Variants in MFSD2B observed in about 807,000 individuals in gnomAD.
The protein encoded by MFSD2B is MFSD2 lysolipid transporter B, sphingolipid, also known as sphingosine-1-phosphate transporter MFSD2B.
A neutral mutation model predicts 58.4 loss-of-function variants in MFSD2B; 56 were observed. That is an observed-to-expected ratio of 0.96 (90% CI 0.77 to 1.20). The LOEUF (loss-of-function observed/expected upper bound fraction) is 1.20, where lower values mean the gene tolerates loss of function less well. Among genes scored for constraint, MFSD2B ranks in the 50% most tolerant of loss-of-function variants. MFSD2B has a pLI of 0.00. For missense variants in MFSD2B, 645 were observed against 667.6 expected (o/e 0.97, Z 0.37); for synonymous variants, 287 against 294.4 (o/e 0.97, Z 0.26).
In MFSD2B at chr2:24,010,205, G is replaced by A. The variant is rs2150935758; in HGVS notation, c.96+13G>A. The A allele has an allele frequency of 2.9e-6, 4 of 1,378,198 alleles. No homozygotes were observed. The highest frequency in any genetic ancestry group is 6.1e-5 in the East Asian group (2 of 32,586). 85.4% of individuals were successfully genotyped at this position (1,378,198 alleles called of 1,614,324 possible). A position where few individuals can be genotyped will look rare whatever the true frequency, so the allele number is the denominator to read the frequency against. On this transcript the variant is annotated intron_variant, in intron 1 of 13. Transcript: ENST00000338315. ...GCGAGGGCGAGAGGTGAGCGGGGCG[G>A]CGGGGACCGGGAAGGGGCTGCGTCC...
At position 24,022,854 on chromosome 2, in the gene MFSD2B, G is replaced by A. The variant is rs746305576; in HGVS notation, c.1011G>A (p.Glu337=). The A allele has an allele frequency of 1.2e-6, 2 of 1,610,602 alleles. No homozygotes were observed. The highest frequency in any genetic ancestry group is 2.2e-5 in the South Asian group (2 of 90,348). Residue 337 remains glutamate, a synonymous_variant, in exon 10 of 14, where the codon GAG becomes GAA. Coordinates refer to ENST00000338315, the MANE Select transcript of MFSD2B (RefSeq NM_001346880.2). This position sits in a 1 kb window ranked among gnomAD's most constrained non-coding sequence, Gnocchi z 4.5. ...VSAVLSTPLW[E]WVLQRFGKKT... ...CCGTGCTGAGCACCCCGCTGTGGGA[G>A]TGGGTTCTCCAGCGCTTTGGGAAGA...
chr2:24,023,058 C>G lies in MFSD2B; in HGVS notation c.1060-72C>G. ...AGGGCAAGGCATGGGGGTCGTCAGT[C>G]GAGTCGTGTGTGAAGGAGCAGGCCC... On this transcript the variant is annotated intron_variant, in intron 10 of 13. Transcript: ENST00000338315. The surrounding 1 kb of genome is among the most constrained non-coding windows in gnomAD (Gnocchi z 5.0). 1 of 1,401,660 alleles carries G rather than the reference C, an allele frequency of 7.1e-7. No individual in the cohort carries two copies. The highest frequency in any genetic ancestry group is 1.2e-5 in the South Asian group (1 of 85,804). The allele number at this position is 1,401,660 out of a possible 1,614,324, so 86.8% of individuals were successfully genotyped here. A position where few individuals can be genotyped will look rare whatever the true frequency, so the allele number is the denominator to read the frequency against.
In MFSD2B at chr2:24,022,703, C is replaced by A; in HGVS notation, c.979-119C>A. The A allele has an allele frequency of 1.1e-6, 1 of 873,742 alleles. No individual in the cohort carries two copies. Among genetic ancestry groups the A allele is most frequent in the Non-Finnish European group, 1.7e-6 (1 of 577,566 alleles). 54.1% of individuals were successfully genotyped at this position (873,742 alleles called of 1,614,324 possible). A position where few individuals can be genotyped will look rare whatever the true frequency, so the allele number is the denominator to read the frequency against. On this transcript the variant is annotated intron_variant, in intron 9 of 13. Transcript: ENST00000338315. The surrounding 1 kb of genome is among the most constrained non-coding windows in gnomAD (Gnocchi z 4.5). ...GCCAGGATTACAACATTCATAGCCA[C>A]CGGTTTGAACCAGGGGCAAGGCCAA...
chr2:24,014,066 G>A (rs981653804), intron 2 of MFSD2B, among the ~76,000 whole-genome samples: 2 of 151,534 alleles, frequency 1.3e-5, no homozygotes, highest in Non-Finnish European at 2.9e-5. Flanking sequence ...AGGCTGGAGT[G>A]CAATGGCATG....
chr2:24,010,704 C>T (rs895456790), intron 1 of MFSD2B, among the ~76,000 whole-genome samples: 1 of 152,174 alleles, frequency 6.6e-6, no homozygotes, highest in Non-Finnish European at 1.5e-5. Context: ...GCGGGGTCTT[C>T]GGGGCCCCTT....
rs1662925635 is a variant in MFSD2B, at chr2:24,024,937, C to T, written c.1491-495C>T. Among the ~76,000 whole-genome samples, 1 of 152,140 alleles carries T rather than the reference C, an allele frequency of 6.6e-6. No individual in the cohort carries two copies. The highest frequency in any genetic ancestry group is 2.1e-4 in the South Asian group (1 of 4,836). ...GACCTTCCGGGGAGGCTATGGGAACCTTGAAGGCTGAGGCTGGCTGTTTTA... is the reference window on the plus strand; with the variant it reads ...GACCTTCCGGGGAGGCTATGGGAACTTTGAAGGCTGAGGCTGGCTGTTTTA... On this transcript the variant is annotated intron_variant, in intron 13 of 13. Coordinates refer to ENST00000338315, the MANE Select transcript of MFSD2B (RefSeq NM_001346880.2). The surrounding 1 kb of genome is among the most constrained non-coding windows in gnomAD (Gnocchi z 4.3).
In MFSD2B at chr2:24,022,341, T is replaced by A. The variant is rs1271800211; in HGVS notation, c.895-92T>A. ...TGGTAGCAGCAAGCCAAGGTCCCAATGGAGATGCCAGACTCCAGACCCTGT... is the reference window on the plus strand; with the variant it reads ...TGGTAGCAGCAAGCCAAGGTCCCAAAGGAGATGCCAGACTCCAGACCCTGT... On this transcript the variant is annotated intron_variant, in intron 8 of 13. Transcript: ENST00000338315. The surrounding 1 kb of genome is among the most constrained non-coding windows in gnomAD (Gnocchi z 4.5). 3 of 1,005,288 alleles carry A rather than the reference T, an allele frequency of 3.0e-6. No individual in the cohort carries two copies. In the East Asian group the frequency reaches 7.8e-5, roughly 26 times the overall value. 62.3% of individuals were successfully genotyped at this position (1,005,288 alleles called of 1,614,324 possible). A position where few individuals can be genotyped will look rare whatever the true frequency, so the allele number is the denominator to read the frequency against.
chr2:24,022,076 C>A lies in MFSD2B; in HGVS notation c.894+106C>A. The stretch of plus-strand genomic sequence containing the variant: ...GAGTTTTATAGGGAGAAACCTGCGG[C>A]TGGCACATGGCTCAGAGGGGCTGGT... On this transcript the variant is annotated intron_variant, in intron 8 of 13. Coordinates refer to ENST00000338315, the MANE Select transcript of MFSD2B (RefSeq NM_001346880.2). The surrounding 1 kb of genome is among the most constrained non-coding windows in gnomAD (Gnocchi z 4.5). 7.4e-7 allele frequency: 1 copy of A among 1,353,014 alleles called. No homozygotes were observed. The highest frequency in any genetic ancestry group is 1.0e-6 in the Non-Finnish European group (1 of 966,954). The allele number at this position is 1,353,014 out of a possible 1,614,324, so 83.8% of individuals were successfully genotyped here. A position where few individuals can be genotyped will look rare whatever the true frequency, so the allele number is the denominator to read the frequency against.
rs1662895046 is a variant in MFSD2B at position 24,024,030 on chromosome 2, G to C, written c.1314-65G>C. ...GGGGTGGGGTGGGGTGAGGTGTCGAGTCCCTCCACCCAGGGTGCCAGGCTC... is the reference window on the plus strand; with the variant it reads ...GGGGTGGGGTGGGGTGAGGTGTCGACTCCCTCCACCCAGGGTGCCAGGCTC... On this transcript the variant is annotated intron_variant, in intron 12 of 13. Transcript: ENST00000338315. This position sits in a 1 kb window ranked among gnomAD's most constrained non-coding sequence, Gnocchi z 4.3. The C allele has an allele frequency of 1.3e-5, 20 of 1,529,044 alleles. No individual in the cohort carries two copies. In the South Asian group the frequency reaches 2.1e-4, roughly 16 times the overall value. The allele number at this position is 1,529,044 out of a possible 1,614,324, so 94.7% of individuals were successfully genotyped here. A position where few individuals can be genotyped will look rare whatever the true frequency, so the allele number is the denominator to read the frequency against.
In MFSD2B at chr2:24,024,401, G is replaced by C; in HGVS notation, c.1490+130G>C. ...CTCTGGGACCTCTTTCCTTAGCTCA[G>C]GGTCACCCTTTTCTCCTGGATTTTC... is the stretch of plus-strand genomic sequence containing the variant. On this transcript the variant is annotated intron_variant, in intron 13 of 13. Transcript: ENST00000338315. The surrounding 1 kb of genome is among the most constrained non-coding windows in gnomAD (Gnocchi z 4.3). The C allele has an allele frequency of 1.0e-6, 1 of 955,532 alleles. No individual in the cohort carries two copies. The highest frequency in any genetic ancestry group is 1.7e-5 in the South Asian group (1 of 59,090). The allele number at this position is 955,532 out of a possible 1,614,324, so 59.2% of individuals were successfully genotyped here.
In MFSD2B at chr2:24,013,519, C is replaced by T. The variant is rs952860930; in HGVS notation, c.222+109C>T. On this transcript the variant is annotated intron_variant, in intron 2 of 13. Coordinates refer to ENST00000338315, the MANE Select transcript of MFSD2B (RefSeq NM_001346880.2). ...CTATCCTTGTAGACAGCACTTCTGA[C>T]ACGAGCTCAACAAAAAGCCAGAAGC... 14 of 1,196,470 alleles carry T rather than the reference C, an allele frequency of 1.2e-5. No individual in the cohort carries two copies. The African/African-American group carries it at 2.1e-4, about 18-fold the overall frequency. 74.1% of individuals were successfully genotyped at this position (1,196,470 alleles called of 1,614,324 possible). A position where few individuals can be genotyped will look rare whatever the true frequency, so the allele number is the denominator to read the frequency against.
Position 24,024,421 on chromosome 2 carries a change from AT to A in MFSD2B, c.1490+154del. The A allele has an allele frequency of 1.3e-6, 1 of 799,698 alleles. No individual in the cohort carries two copies. Among genetic ancestry groups the A allele is most frequent in the Non-Finnish European group, 1.9e-6 (1 of 519,456 alleles). 49.5% of individuals were successfully genotyped at this position (799,698 alleles called of 1,614,324 possible). A position where few individuals can be genotyped will look rare whatever the true frequency, so the allele number is the denominator to read the frequency against. On this transcript the variant is annotated intron_variant, in intron 13 of 13. Coordinates refer to ENST00000338315, the MANE Select transcript of MFSD2B (RefSeq NM_001346880.2). The surrounding 1 kb of genome is among the most constrained non-coding windows in gnomAD (Gnocchi z 4.3). ...GCTCAGGGTCACCCTTTTCTCCTGG[AT>A]TTTCTTCTCCCACTCTGGCCACCCC...
chr2:24,018,748 G>A (rs1456328945), intron 6 of MFSD2B: 1 of 170,330 alleles, frequency 5.9e-6, no homozygotes. Flanking sequence ...TTTGAGCATG[G>A]GTGGCCCTCG....
Position 24,016,263 on chromosome 2 carries a change from T to C in MFSD2B, c.330T>C (p.Ser110=). 6.2e-7 allele frequency: 1 copy of C among 1,613,992 alleles called. No individual in the cohort carries two copies. The highest frequency in any genetic ancestry group is 8.5e-7 in the Non-Finnish European group (1 of 1,179,874). ...TCAACAGGAGCCAGAGGACAGGGTC[T>C]GGACGGCTCATGCCTTGGTGAGCAA... ...FFINRSQRTG[S]GRLMPWVLGC... Residue 110 remains serine (S), a synonymous_variant, in exon 3 of 14, where the codon TCT becomes TCC. Coordinates refer to ENST00000338315, the MANE Select transcript of MFSD2B (RefSeq NM_001346880.2).
chr2:24,022,529 G>A lies in MFSD2B; in HGVS notation c.978+13G>A. 1.9e-6 allele frequency: 3 copies of A among 1,608,434 alleles called. No homozygotes were observed. Among genetic ancestry groups the A allele is most frequent in the Non-Finnish European group, 2.5e-6 (3 of 1,177,090 alleles). ...ACTAACTGTCCTGGTGAGGGGGCCTGGGGTGGTGGAGGCTAGGTCACTTGG... is the reference window on the plus strand; with the variant it reads ...ACTAACTGTCCTGGTGAGGGGGCCTAGGGTGGTGGAGGCTAGGTCACTTGG... On this transcript the variant is annotated intron_variant, in intron 9 of 13. Transcript: ENST00000338315. The surrounding 1 kb of genome is among the most constrained non-coding windows in gnomAD (Gnocchi z 4.5).
intron 1 of MFSD2B, among the ~76,000 whole-genome samples, chr2:24,011,206 C>T (rs944861135): frequency 3.9e-5 from 6 of 152,172 alleles, no homozygotes; most frequent in African/African-American, 1.4e-4. Flanking sequence ...ACAGCTGTAC[C>T]GGGCTTTTAT....
At position 24,016,848 on chromosome 2, in the gene MFSD2B, G is replaced by T. The variant is rs746689866; in HGVS notation, c.351G>T (p.Val117=). 2 of 1,613,280 alleles carry T rather than the reference G, an allele frequency of 1.2e-6. No individual in the cohort carries two copies. Among genetic ancestry groups the T allele is most frequent in the Non-Finnish European group, 1.7e-6 (2 of 1,179,840 alleles). ...CACCTCGGCTGTGCTTCCGCAGGGTGCTGGGCTGCACCCCCTTCATCGCCC... is the reference window on the plus strand; with the variant it reads ...CACCTCGGCTGTGCTTCCGCAGGGTTCTGGGCTGCACCCCCTTCATCGCCC... ...RTGSGRLMPW[V]LGCTPFIALA... The change falls in exon 4 of 14, where the codon GTG becomes GTT. Residue 117 remains valine (V), a synonymous_variant. Coordinates refer to ENST00000338315, the MANE Select transcript of MFSD2B (RefSeq NM_001346880.2).
In MFSD2B at chr2:24,013,315, A is replaced by G. The variant is rs750499103; in HGVS notation, c.127A>G (p.Thr43Ala). 1 of 1,612,352 alleles carries G rather than the reference A, an allele frequency of 6.2e-7. No individual in the cohort carries two copies. The highest frequency in any genetic ancestry group is 2.2e-5 in the East Asian group (1 of 44,864). The change falls in exon 2 of 14, where the codon ACA becomes GCA. Residue 43 changes from threonine to alanine, a missense_variant. By Grantham distance (58) the Thr-to-Ala change is moderately conservative. Coordinates refer to ENST00000338315, the MANE Select transcript of MFSD2B (RefSeq NM_001346880.2). Reference protein sequence around the residue: ...DSRAGRLSFCTKVCYGIGGVP... With the variant: ...DSRAGRLSFCAKVCYGIGGVP... ...CAGAGCCGGTCGCCTCTCATTCTGT[A>G]CAAAGGTGTGCTATGGCATTGGTGG...
In MFSD2B at chr2:24,026,062, C is replaced by T. The variant is rs920272192; in HGVS notation, c.*606C>T. On this transcript the variant is annotated 3_prime_UTR_variant, in exon 14 of 14. Transcript: ENST00000338315. ...TCAGGTGATCCTACTGCCTCAGCCT[C>T]CTGAGTAGCTGGGATTACAGACACA... is the stretch of plus-strand genomic sequence containing the variant. The T allele has an allele frequency of 1.3e-5, 2 of 152,386 alleles. No individual in the cohort carries two copies. The highest frequency in any genetic ancestry group is 2.9e-5 in the Non-Finnish European group (2 of 68,218). 9.4% of individuals were successfully genotyped at this position (152,386 alleles called of 1,614,324 possible). A position where few individuals can be genotyped will look rare whatever the true frequency, so the allele number is the denominator to read the frequency against.
Sources: gnomAD v4.1 joint callset for allele counts (sites outside exome capture counted in the v4.1 genomes callset) on GRCh38, gnomAD v4.1.1 for gene constraint, Gnocchi (gnomAD v3.1) non-coding constraint, MANE v1.5 for transcripts, NCBI Gene and HGNC (gene_info 2026-07-23, HGNC 2026-07-21) for gene names.